GJA5: variants seen among roughly 807,000 people sequenced by gnomAD.
GJA5 encodes gap junction protein alpha 5.
A neutral mutation model predicts 7.9 loss-of-function variants in GJA5; 3 were observed. That is an observed-to-expected ratio of 0.38 (90% CI 0.17 to 0.99). The LOEUF (loss-of-function observed/expected upper bound fraction) is 0.99, where lower values mean the gene tolerates loss of function less well. Among genes scored for constraint, GJA5 ranks in the 50% least tolerant of loss-of-function variants. The pLI is 0.38. For synonymous variants in GJA5, 193 were observed against 181.0 expected (o/e 1.07, Z -0.53); for missense variants, 390 against 457.9 (o/e 0.85, Z 1.35).
chr1:147,757,176 T>A lies in GJA5; in HGVS notation c.*986A>T, dbSNP rs1663772403. ...AAGGGGAATCTGAGAAGTACAATGC[T>A]TTCTTTGTTTTAACAAGGCCTGGGG... On this transcript the variant is annotated 3_prime_UTR_variant, in exon 2 of 2. Transcript: ENST00000579774. The A allele has an allele frequency of 6.6e-6, 1 of 152,346 alleles. No homozygotes were observed. Among genetic ancestry groups the A allele is most frequent in the African/African-American group, 2.4e-5 (1 of 41,570 alleles). The allele number at this position is 152,346 out of a possible 1,614,324, so 9.4% of individuals were successfully genotyped here.
chr1:147,772,109 T>TTTTGCTGGTTCCAGGTC (rs1186528082), intron 1 of GJA5, among the ~76,000 whole-genome samples: 2 of 152,102 alleles, frequency 1.3e-5, no homozygotes, highest in East Asian at 3.9e-4. Flanking sequence ...TCTCCTTCAG[T>TTTTGCTGGTTCCAGGTC]TTTGCTGGTT....
intron 1 of GJA5, among the ~76,000 whole-genome samples, chr1:147,772,161 C>T (rs782011313): frequency 2.0e-5 from 3 of 152,162 alleles, no homozygotes; most frequent in Non-Finnish European, 4.4e-5. Flanking sequence ...TTGCACTGCC[C>T]TGCCTCCCCA....
intron 1 of GJA5, among the ~76,000 whole-genome samples, chr1:147,767,031 G>C (rs1168899181): frequency 2.0e-5 from 3 of 152,268 alleles, no homozygotes; most frequent in African/African-American, 7.2e-5. Flanking sequence ...AAAGCACCAA[G>C]CATAACCTTT....
intron 1 of GJA5, among the ~76,000 whole-genome samples, chr1:147,759,717 T>C (rs1185542496): frequency 6.6e-6 from 1 of 152,226 alleles, no homozygotes; most frequent in Non-Finnish European, 1.5e-5. Flanking sequence ...AATGTGACTC[T>C]GGGCATTTAC....
At chr1:147,769,911 A>G (rs1664336055) in intron 1 of GJA5, among the ~76,000 whole-genome samples, 2 of 151,806 alleles carry the variant, frequency 1.3e-5, no homozygotes, top group South Asian at 4.2e-4. Flanking sequence ...ATGGCTCCAT[A>G]TTATAAAATG....
intron 1 of GJA5, among the ~76,000 whole-genome samples, chr1:147,765,656 T>G (rs1322380316): frequency 2.0e-5 from 3 of 152,206 alleles, no homozygotes; most frequent in Non-Finnish European, 2.9e-5. Flanking sequence ...AGAGTCTGCA[T>G]AGCAGGCAGG....
At position 147,759,226 on chromosome 1, in the gene GJA5, T is replaced by G; in HGVS notation, c.13A>C (p.Ser5Arg). 1 of 1,612,928 alleles carries G rather than the reference T, an allele frequency of 6.2e-7. No homozygotes were observed. The highest frequency in any genetic ancestry group is 1.3e-5 in the African/African-American group (1 of 74,954). The change falls in exon 2 of 2, where the codon AGC becomes CGC. Residue 5 changes from serine to arginine, a missense_variant. This residue lies in a region of GJA5 where 36 missense variants were observed against 87.1 expected (regional missense o/e 0.41). Coordinates refer to ENST00000579774, the MANE Select transcript of GJA5 (RefSeq NM_181703.4). MGDW[S>R]FLGNFLEEVH... ...TCCTCCAGGAAATTTCCCAGGAAGCTCCAATCGCCCATCTTGGCACAGCCA... is the reference window on the plus strand; with the variant it reads ...TCCTCCAGGAAATTTCCCAGGAAGCGCCAATCGCCCATCTTGGCACAGCCA...
chr1:147,769,988 G>A (rs1553228804), intron 1 of GJA5, among the ~76,000 whole-genome samples: 3 of 151,800 alleles, frequency 2.0e-5, no homozygotes, highest in South Asian at 2.1e-4. Flanking sequence ...CCAAGCAGAA[G>A]GCACACTCAC....
At chr1:147,770,745 C>T (rs981432628) in intron 1 of GJA5, among the ~76,000 whole-genome samples, 6 of 152,122 alleles carry the variant, frequency 3.9e-5, no homozygotes, top group African/African-American at 9.7e-5. Flanking sequence ...TCTCATTCTG[C>T]GACCTCCTGA....
At chr1:147,764,677 A>C (rs1457610278), upstream of GJA5, among the ~76,000 whole-genome samples, 1 of 152,166 alleles carries the variant, frequency 6.6e-6, no homozygotes, top group Non-Finnish European at 1.5e-5. Context: ...TTCAAAAATT[A>C]GCCCAGTGTG....
At chr1:147,773,101 A>C (rs1389483428) in intron 1 of GJA5, among the ~76,000 whole-genome samples, 2 of 152,190 alleles carry the variant, frequency 1.3e-5, no homozygotes, top group African/African-American at 2.4e-5. Context: ...ATACCTCACT[A>C]TCACAGGAAA....
intron 1 of GJA5, among the ~76,000 whole-genome samples, chr1:147,770,234 T>C (rs1381875462): frequency 6.6e-6 from 1 of 152,208 alleles, no homozygotes; most frequent in African/African-American, 2.4e-5. Context: ...TTTGTGATCC[T>C]AGACAAGATA....
intron 1 of GJA5, among the ~76,000 whole-genome samples, chr1:147,768,657 A>G (rs1664294691): frequency 6.6e-6 from 1 of 152,256 alleles, no homozygotes; most frequent in South Asian, 2.1e-4. Flanking sequence ...ACAAGGGTCC[A>G]AGGAAGTAAA....
At chr1:147,769,587 A>T (rs1219381718) in intron 1 of GJA5, among the ~76,000 whole-genome samples, 2 of 152,296 alleles carry the variant, frequency 1.3e-5, no homozygotes, top group East Asian at 1.9e-4. Context: ...CCTCTCAGAC[A>T]TGATCCAACT....
In GJA5 at chr1:147,758,385, T is replaced by C; in HGVS notation, c.854A>G (p.Asn285Ser). The C allele has an allele frequency of 6.2e-7, 1 of 1,614,198 alleles. No individual in the cohort carries two copies. Among genetic ancestry groups the C allele is most frequent in the Non-Finnish European group, 8.5e-7 (1 of 1,180,028 alleles). ...PGGKFFNPFS[N>S]NMASQQNTDN... is the part of the protein sequence containing the mutation. ...TGTGTTTTGTTGGGAGGCCATATTA[T>C]TGCTGAAGGGATTGAAGAATTTTCC... is the stretch of plus-strand genomic sequence containing the variant. The change falls in exon 2 of 2, where the codon AAT (asparagine) becomes AGT (serine). Residue 285 changes from asparagine to serine, a missense_variant. Coordinates refer to ENST00000579774, the MANE Select transcript of GJA5 (RefSeq NM_181703.4).
chr1:147,772,164 C>T (rs781117625), intron 1 of GJA5, among the ~76,000 whole-genome samples: 12 of 152,126 alleles, frequency 7.9e-5, no homozygotes, highest in Non-Finnish European at 1.2e-4. Flanking sequence ...CACTGCCCTG[C>T]CTCCCCACGC....
upstream of GJA5, among the ~76,000 whole-genome samples, chr1:147,760,924 C>G (rs375888984): frequency 2.0e-5 from 3 of 152,178 alleles, no homozygotes; most frequent in East Asian, 5.8e-4. Flanking sequence ...GTGCTCCCAT[C>G]CCCTGGTGAA....
At chr1:147,766,412 C>T (rs1490149356) in intron 1 of GJA5, among the ~76,000 whole-genome samples, 1 of 152,150 alleles carries the variant, frequency 6.6e-6, no homozygotes, top group African/African-American at 2.4e-5. Flanking sequence ...GATGAGAATG[C>T]ACACAGAGGC....
chr1:147,772,344 C>G (rs1483491876), intron 1 of GJA5, among the ~76,000 whole-genome samples: 2 of 152,146 alleles, frequency 1.3e-5, no homozygotes, highest in South Asian at 2.1e-4. Context: ...TTGCGCCTCC[C>G]TTTTTCAGTG....
Sources: allele counts gnomAD v4.1 joint callset (sites outside exome capture counted in the v4.1 genomes callset), GRCh38; gene constraint gnomAD v4.1.1; regional missense constraint gnomAD v4.1.1; transcripts MANE v1.5; gene names NCBI Gene and HGNC (gene_info 2026-07-23, HGNC 2026-07-21).